The following GARIN2 variants were observed in gnomAD, a reference collection of about 807,000 sequenced individuals.
GARIN2 encodes the protein Golgi-associated RAB2 interactor protein 2.
chr14:67,201,824 C>G, the GARIN2 span: 1 of 257,650 alleles, frequency 3.9e-6, no homozygotes, highest in South Asian at 4.1e-5. Context: ...TATCATACAG[C>G]TGAGAAACTA....
chr14:67,194,791 G>A, the GARIN2 span, among the ~76,000 whole-genome samples: 1 of 152,168 alleles, frequency 6.6e-6, no homozygotes, highest in Non-Finnish European at 1.5e-5. Flanking sequence ...TCGAGTAGCT[G>A]GGATTACAGG....
At chr14:67,204,584 A>G in the GARIN2 span, 2 of 1,613,708 alleles carry the variant, frequency 1.2e-6, no homozygotes, top group Non-Finnish European at 1.7e-6. Flanking sequence ...GATGCGGAGA[A>G]CATGAGCCTG....
the GARIN2 span, chr14:67,200,704 T>C: frequency 1.3e-5 from 2 of 156,988 alleles, no homozygotes; most frequent in Non-Finnish European, 2.8e-5. Flanking sequence ...CTAGAACGCA[T>C]GTGACAAGTC....
At chr14:67,225,003 C>G in the GARIN2 span, 12 of 810,398 alleles carry the variant, frequency 1.5e-5, no homozygotes, top group East Asian at 5.8e-5. Context: ...TCAAAATAAG[C>G]TCTTTCTCCT....
At chr14:67,221,918 T>C in the GARIN2 span, 1 of 1,348,122 alleles carries the variant, frequency 7.4e-7, no homozygotes, top group South Asian at 1.4e-5. Context: ...AGCTAGACTT[T>C]TTGATGCATT....
At chr14:67,226,328 A>G in the GARIN2 span, among the ~76,000 whole-genome samples, 3 of 150,394 alleles carry the variant, frequency 2.0e-5, no homozygotes, top group Non-Finnish European at 4.4e-5. Context: ...GGTAGCTGGG[A>G]TTACAGACAA....
At chr14:67,209,819 GAAAAAAA>G in the GARIN2 span, among the ~76,000 whole-genome samples, 2 of 76,926 alleles carry the variant, frequency 2.6e-5, no homozygotes, top group Admixed American at 1.6e-4. Flanking sequence ...CTCCATCTCG[GAAAAAAA>G]AAAAAAAAAA....
At chr14:67,221,823 C>T in the GARIN2 span, 1 of 1,612,170 alleles carries the variant, frequency 6.2e-7, no homozygotes, top group Admixed American at 1.7e-5. Context: ...GAACAAATTC[C>T]ACTACATGTT....
At chr14:67,194,937 C>T in the GARIN2 span, among the ~76,000 whole-genome samples, 1 of 152,136 alleles carries the variant, frequency 6.6e-6, no homozygotes, top group Non-Finnish European at 1.5e-5. Context: ...GGATTATAGG[C>T]GTGAGCCACC....
chr14:67,206,799 C>T, the GARIN2 span, among the ~76,000 whole-genome samples: 2 of 150,240 alleles, frequency 1.3e-5, no homozygotes, highest in Non-Finnish European at 3.0e-5. Context: ...GGTGAGATCT[C>T]GGCTCACTGC....
At chr14:67,227,460 A>G in the GARIN2 span, 2 of 151,890 alleles carry the variant, frequency 1.3e-5, no homozygotes, top group Non-Finnish European at 2.9e-5. Flanking sequence ...AAAAAAGAAA[A>G]AAAAGAAAAA....
At chr14:67,216,106 A>G in the GARIN2 span, among the ~76,000 whole-genome samples, 2 of 152,266 alleles carry the variant, frequency 1.3e-5, no homozygotes, top group South Asian at 4.1e-4. Context: ...GGTATCTTCT[A>G]TTAACATCTA....
the GARIN2 span, chr14:67,203,178 A>G: frequency 5.0e-6 from 8 of 1,614,008 alleles, no homozygotes; most frequent in Non-Finnish European, 6.8e-6. Context: ...CTCCACCCAC[A>G]AGATCCCCAA....
the GARIN2 span, among the ~76,000 whole-genome samples, chr14:67,212,589 G>GAAAAA: frequency 8.0e-5 from 8 of 100,350 alleles, no homozygotes; most frequent in African/African-American, 1.8e-4. Flanking sequence ...AGACCCTGTT[G>GAAAAA]AAAAAAAAAA....
the GARIN2 span, among the ~76,000 whole-genome samples, chr14:67,215,771 T>C: frequency 2.0e-5 from 3 of 152,130 alleles, no homozygotes; most frequent in African/African-American, 7.2e-5. Flanking sequence ...ATTGATCAGG[T>C]CTGGTCACTC....
At chr14:67,222,496 G>A in the GARIN2 span, among the ~76,000 whole-genome samples, 4 of 152,090 alleles carry the variant, frequency 2.6e-5, no homozygotes, top group South Asian at 6.2e-4. Flanking sequence ...GGATGGTCTC[G>A]AACTCCTGAT....
the GARIN2 span, among the ~76,000 whole-genome samples, chr14:67,213,392 C>T: frequency 1.2e-4 from 17 of 138,038 alleles, no homozygotes; most frequent in African/African-American, 2.8e-4. Flanking sequence ...TCAATTCCCA[C>T]CTATGAGTGA....
At chr14:67,192,736 G>A in the GARIN2 span, among the ~76,000 whole-genome samples, 3 of 148,672 alleles carry the variant, frequency 2.0e-5, no homozygotes, top group African/African-American at 4.9e-5. Context: ...AATGTTATGG[G>A]GATATATTAA....
the GARIN2 span, among the ~76,000 whole-genome samples, chr14:67,196,558 A>G: frequency 2.6e-5 from 4 of 152,266 alleles, no homozygotes; most frequent in African/African-American, 9.6e-5. Flanking sequence ...ATGTCAACAA[A>G]AGGTTTTCAG....
Sources: gnomAD v4.1 joint callset for allele counts (sites outside exome capture counted in the v4.1 genomes callset) on GRCh38, gnomAD v4.1.1 for gene constraint, MANE v1.5 for transcripts, NCBI Gene and HGNC (gene_info 2026-07-23, HGNC 2026-07-21) for gene names.